The following EPHA6 variants were observed in gnomAD, a reference collection of about 807,000 sequenced individuals.
The protein encoded by EPHA6 is EPH receptor A6, also known as ephrin type-A receptor 6.
In EPHA6, 50 loss-of-function variants were observed where a neutral mutation model predicts 112.0. The ratio of observed to expected loss-of-function variants is 0.45; its 90% CI spans 0.36 to 0.56. The LOEUF (loss-of-function observed/expected upper bound fraction) is 0.56, where lower values mean the gene tolerates loss of function less well. Ranked by LOEUF, EPHA6 falls within the 20% of genes least tolerant of loss-of-function variation. EPHA6 has a pLI of 0.00. For synonymous variants in EPHA6, 529 were observed against 490.7 expected (o/e 1.08, Z -1.03); for missense variants, 1,280 against 1,417.4 (o/e 0.90, Z 1.56).
chr3:97,603,355 A>AT (rs145730629), intron 12 of EPHA6, among the ~76,000 whole-genome samples: 1 of 152,048 alleles, frequency 6.6e-6, no homozygotes, highest in African/African-American at 2.4e-5. Context: ...CACACCTTCC[A>AT]TTTACTCTAA....
intron 3 of EPHA6, among the ~76,000 whole-genome samples, chr3:97,065,107 A>C (rs552368143): frequency 6.6e-5 from 10 of 152,264 alleles, no homozygotes; most frequent in Admixed American, 3.3e-4. Context: ...TCTTTGAACT[A>C]ATGGGCCTTT....
chr3:97,702,909 A>G (rs2033476695), intron 14 of EPHA6, among the ~76,000 whole-genome samples: 1 of 152,194 alleles, frequency 6.6e-6, no homozygotes, highest in East Asian at 1.9e-4. Flanking sequence ...ACCCCATTTT[A>G]TCATCAATAG....
intron 3 of EPHA6, among the ~76,000 whole-genome samples, chr3:97,054,532 CAA>C (rs200236445): frequency 2.0e-5 from 3 of 151,688 alleles, no homozygotes; most frequent in Admixed American, 1.3e-4. Flanking sequence ...TAAAATATGA[CAA>C]AAAAATCACT....
intron 14 of EPHA6, among the ~76,000 whole-genome samples, chr3:97,714,302 A>C (rs1178887797): frequency 6.6e-6 from 1 of 152,232 alleles, no homozygotes; most frequent in Admixed American, 6.5e-5. Flanking sequence ...TAATCCACTT[A>C]ACAAATGTTA....
chr3:96,889,185 A>T (rs1413342033), intron 2 of EPHA6, among the ~76,000 whole-genome samples: 2 of 152,168 alleles, frequency 1.3e-5, no homozygotes, highest in Non-Finnish European at 2.9e-5. Context: ...CCTTTCAACA[A>T]GTCTCTAGGA....
intron 15 of EPHA6, among the ~76,000 whole-genome samples, chr3:97,734,982 A>T (rs10804622): frequency 0.42 from 64,375 of 151,842 alleles, 13,854 homozygotes; most frequent in Non-Finnish European, 0.48. Context: ...GATTTCCTTA[A>T]GTACCAAGAA....
rs532683742 is a variant in EPHA6 at position 97,754,536 on chromosome 3, A to C, written c.*5835A>C. On this transcript the variant is annotated 3_prime_UTR_variant, in exon 18 of 18. Transcript: ENST00000389672. ...TGGCAATCCAAAATTACATTTTAAA[A>C]TGAAAAAAAGAGAAAACTTTTCAAT... Among the ~76,000 whole-genome samples, 1 of 152,348 alleles carries C rather than the reference A, an allele frequency of 6.6e-6. No individual in the cohort carries two copies. Among genetic ancestry groups the C allele is most frequent in the Admixed American group, 6.5e-5 (1 of 15,302 alleles).
chr3:97,081,957 G>A (rs368753737), intron 3 of EPHA6, among the ~76,000 whole-genome samples: 2 of 151,584 alleles, frequency 1.3e-5, no homozygotes, highest in South Asian at 4.2e-4. Context: ...AATATTATGT[G>A]TTAATCTTTG....
chr3:97,190,947 T>A (rs1157947165), intron 3 of EPHA6, among the ~76,000 whole-genome samples: 4 of 152,130 alleles, frequency 2.6e-5, no homozygotes, highest in Non-Finnish European at 5.9e-5. Context: ...ATAATTATTA[T>A]AGTTACTATG....
chr3:97,313,424 G>C (rs2081651650), intron 5 of EPHA6, among the ~76,000 whole-genome samples: 1 of 151,222 alleles, frequency 6.6e-6, no homozygotes, highest in South Asian at 2.1e-4. Flanking sequence ...GGATTGTTGG[G>C]GTAATTCTAC....
At chr3:96,852,189 G>GT (rs2035432215) in intron 1 of EPHA6, among the ~76,000 whole-genome samples, 1 of 152,042 alleles carries the variant, frequency 6.6e-6, no homozygotes, top group South Asian at 2.1e-4. Flanking sequence ...GGTGAGTCCA[G>GT]TGCTACATCA....
chr3:97,500,893 A>G (rs1359083348), intron 10 of EPHA6, among the ~76,000 whole-genome samples: 1 of 152,146 alleles, frequency 6.6e-6, no homozygotes, highest in African/African-American at 2.4e-5. Context: ...TATTATCTTC[A>G]TATAATAGGA....
intron 10 of EPHA6, among the ~76,000 whole-genome samples, chr3:97,484,305 T>A (rs1241113870): frequency 6.6e-6 from 1 of 152,138 alleles, no homozygotes. Flanking sequence ...TAGAGATAAA[T>A]TACAATGAAA....
At chr3:97,061,113 T>C (rs1464577577) in intron 3 of EPHA6, among the ~76,000 whole-genome samples, 1 of 151,920 alleles carries the variant, frequency 6.6e-6, no homozygotes, top group Non-Finnish European at 1.5e-5. Flanking sequence ...AAAGAAGAAG[T>C]AGCTAAAGGT....
At chr3:97,612,958 C>A (rs771547705) in intron 13 of EPHA6, among the ~76,000 whole-genome samples, 3 of 152,032 alleles carry the variant, frequency 2.0e-5, no homozygotes, top group Admixed American at 2.0e-4. Context: ...GTTATGAATT[C>A]ATTTTATTAA....
intron 5 of EPHA6, among the ~76,000 whole-genome samples, chr3:97,274,733 CA>C (rs751011887): frequency 1.1e-4 from 17 of 151,988 alleles, no homozygotes; most frequent in Non-Finnish European, 1.9e-4. Flanking sequence ...ATTAATAAAC[CA>C]AATGTGATCA....
At chr3:97,579,421 C>T (rs1382438221) in intron 11 of EPHA6, among the ~76,000 whole-genome samples, 1 of 152,212 alleles carries the variant, frequency 6.6e-6, no homozygotes, top group African/African-American at 2.4e-5. Flanking sequence ...ATTGAGCCAA[C>T]TGCTCATTCA....
intron 15 of EPHA6, among the ~76,000 whole-genome samples, chr3:97,724,128 C>T (rs1462966813): frequency 6.6e-6 from 1 of 152,152 alleles, no homozygotes; most frequent in South Asian, 2.1e-4. Context: ...GCTATTCATA[C>T]AGATCAAATG....
intron 10 of EPHA6, among the ~76,000 whole-genome samples, chr3:97,520,897 T>C (rs1347490942): frequency 6.6e-6 from 1 of 152,186 alleles, no homozygotes; most frequent in Non-Finnish European, 1.5e-5. Context: ...TATTTTTTAT[T>C]GTTTTATCTT....
Sources: allele counts gnomAD v4.1 joint callset (sites outside exome capture counted in the v4.1 genomes callset), GRCh38; gene constraint gnomAD v4.1.1; transcripts MANE v1.5; gene names NCBI Gene and HGNC (gene_info 2026-07-23, HGNC 2026-07-21).